The following RBFOX1 variants were observed in gnomAD, a reference collection of about 807,000 sequenced individuals.
RBFOX1 encodes RNA binding fox-1 homolog 1, also known as RNA binding protein fox-1 homolog 1.
A neutral mutation model predicts 57.7 loss-of-function variants in RBFOX1; 8 were observed. The observed-to-expected ratio is 0.14, with a 90% confidence interval of 0.08 to 0.25. The LOEUF (loss-of-function observed/expected upper bound fraction) is 0.25, where lower values mean the gene tolerates loss of function less well. RBFOX1 is among the 10% of genes least tolerant of loss of function. The pLI, the probability that RBFOX1 is intolerant of heterozygous loss-of-function variation, is 1.00. For synonymous variants in RBFOX1, 326 were observed against 222.4 expected (o/e 1.47, Z -4.15); for missense variants, 611 against 548.5 (o/e 1.11, Z -1.14).
Position 6,735,558 on chromosome 16 carries a change from C to A in RBFOX1, c.-16+80908C>A, listed in dbSNP as rs917524620. Among the ~76,000 whole-genome samples the A allele has an allele frequency of 3.3e-5, 5 of 152,228 alleles. No individual in the cohort carries two copies. In the South Asian group the frequency reaches 6.2e-4, roughly 19 times the overall value. ...TGTGTCTTTTAACTATTTCTCGTCC[C>A]CATGGATGTGACTTGTATTTGCTTA... On this transcript the variant is annotated intron_variant, in intron 3 of 15. Transcript: ENST00000550418.
intron 2 of RBFOX1, among the ~76,000 whole-genome samples, chr16:5,547,503 TAAA>T (rs2045260582): frequency 6.6e-6 from 1 of 152,150 alleles, no homozygotes; most frequent in Non-Finnish European, 1.5e-5. Flanking sequence ...AGATGCCAGA[TAAA>T]AAAGATTACA....
intron 2 of RBFOX1, among the ~76,000 whole-genome samples, chr16:6,360,536 C>G (rs1164321877): frequency 1.3e-5 from 2 of 152,152 alleles, no homozygotes; most frequent in East Asian, 3.8e-4. Context: ...AAAGTCTCTA[C>G]TCCTCTGTTT....
intron 2 of RBFOX1, among the ~76,000 whole-genome samples, chr16:6,560,231 GA>G (rs1567684281): frequency 6.6e-6 from 1 of 150,908 alleles, no homozygotes; most frequent in African/African-American, 2.4e-5. Context: ...TAGTTGGGGG[GA>G]AAAACAATGA....
At chr16:6,803,761 T>G (rs952904796) in intron 3 of RBFOX1, among the ~76,000 whole-genome samples, 2 of 152,178 alleles carry the variant, frequency 1.3e-5, no homozygotes, top group Non-Finnish European at 2.9e-5. Flanking sequence ...CTATTACTTG[T>G]GAGAGAATAA....
In RBFOX1 at chr16:5,386,334, C is replaced by G. The variant is rs1390856247; in HGVS notation, c.220-80882C>G. 2.6e-5 allele frequency among the ~76,000 whole-genome samples: 4 copies of G among 151,984 alleles called. No individual in the cohort carries two copies. In the East Asian group the frequency reaches 7.8e-4, roughly 29 times the overall value. ...GACCAGGTGTGGATGGAGAAGGGTCCTGAGAGCATTGCATCTCAAAGGCCC... is the reference window on the plus strand; with the variant it reads ...GACCAGGTGTGGATGGAGAAGGGTCGTGAGAGCATTGCATCTCAAAGGCCC... On this transcript the variant is annotated intron_variant, in intron 1 of 2. Transcript: ENST00000585867.
intron 4 of RBFOX1, among the ~76,000 whole-genome samples, chr16:7,109,617 G>C (rs2064272930): frequency 6.6e-6 from 1 of 152,106 alleles, no homozygotes; most frequent in South Asian, 2.1e-4. Flanking sequence ...CCCAGTTTTA[G>C]GGGAAAGGGC....
intron 1 of RBFOX1, among the ~76,000 whole-genome samples, chr16:6,231,604 T>A (rs11647425): frequency 0.64 from 97,748 of 152,068 alleles, 32,177 homozygotes; most frequent in East Asian, 0.77. Flanking sequence ...AGTGATTGCC[T>A]GTTCTGAATG....
At chr16:6,614,015 G>T (rs1474959476) in intron 2 of RBFOX1, among the ~76,000 whole-genome samples, 1 of 152,180 alleles carries the variant, frequency 6.6e-6, no homozygotes, top group East Asian at 1.9e-4. Flanking sequence ...TTACTAACCA[G>T]AGTTTTTCTT....
At chr16:7,445,886 T>G (rs929825835) in intron 4 of RBFOX1, among the ~76,000 whole-genome samples, 4 of 152,220 alleles carry the variant, frequency 2.6e-5, no homozygotes, top group Non-Finnish European at 5.9e-5. Flanking sequence ...TGCTCTCAAT[T>G]GGATGGTGAG....
At chr16:7,105,767 T>A (rs2063475704) in intron 4 of RBFOX1, among the ~76,000 whole-genome samples, 1 of 133,350 alleles carries the variant, frequency 7.5e-6, no homozygotes, top group East Asian at 2.2e-4. Context: ...TATATCTATA[T>A]ATCTATGTAG....
chr16:5,910,636 G>A (rs957560256), intron 4 of RBFOX1, among the ~76,000 whole-genome samples: 1 of 152,180 alleles, frequency 6.6e-6, no homozygotes, highest in African/African-American at 2.4e-5. Flanking sequence ...TGGCTTTTTG[G>A]TCCTAGGAGG....
chr16:6,840,769 C>G (rs911765309), intron 3 of RBFOX1, among the ~76,000 whole-genome samples: 2 of 151,952 alleles, frequency 1.3e-5, no homozygotes, highest in African/African-American at 2.4e-5. Flanking sequence ...CACCTGTAGT[C>G]CCAGCTACTC....
chr16:6,692,875 C>T (rs1057274908), intron 3 of RBFOX1, among the ~76,000 whole-genome samples: 4 of 151,978 alleles, frequency 2.6e-5, no homozygotes, highest in Non-Finnish European at 4.4e-5. Flanking sequence ...CCATCCTCAT[C>T]CATTACTATC....
intron 3 of RBFOX1, among the ~76,000 whole-genome samples, chr16:6,928,135 G>A (rs936316925): frequency 1.3e-5 from 2 of 152,120 alleles, no homozygotes; most frequent in African/African-American, 2.4e-5. Flanking sequence ...AATTCTTAGT[G>A]TGTGTGATTG....
At chr16:5,272,018 A>G (rs2063023360) in intron 1 of RBFOX1, among the ~76,000 whole-genome samples, 1 of 152,142 alleles carries the variant, frequency 6.6e-6, no homozygotes, top group Non-Finnish European at 1.5e-5. Context: ...ACTTAGGTTG[A>G]TTCTATATCT....
chr16:7,659,954 G>T (rs2067280611), intron 12 of RBFOX1, among the ~76,000 whole-genome samples: 1 of 152,006 alleles, frequency 6.6e-6, no homozygotes, highest in Admixed American at 6.6e-5. Context: ...CTATACACAT[G>T]CCAGCTAGTT....
At chr16:6,189,309 C>T (rs942479419) in intron 1 of RBFOX1, among the ~76,000 whole-genome samples, 1 of 152,224 alleles carries the variant, frequency 6.6e-6, no homozygotes, top group Admixed American at 6.5e-5. Flanking sequence ...GAGTCCGCAT[C>T]AGGACACTGA....
chr16:5,812,839 G>A (rs187455127), intron 3 of RBFOX1, among the ~76,000 whole-genome samples: 4 of 151,978 alleles, frequency 2.6e-5, no homozygotes, highest in East Asian at 1.9e-4. Context: ...CATTTTCCTC[G>A]TGACTAATGA....
intron 3 of RBFOX1, among the ~76,000 whole-genome samples, chr16:6,916,093 A>G (rs1411885268): frequency 1.3e-5 from 2 of 152,188 alleles, no homozygotes; most frequent in African/African-American, 2.4e-5. Context: ...ACCTTAGGGA[A>G]AGGGCATAAG....
Sources: gnomAD v4.1 joint callset for allele counts (sites outside exome capture counted in the v4.1 genomes callset) on GRCh38, gnomAD v4.1.1 for gene constraint, MANE v1.5 for transcripts, NCBI Gene and HGNC (gene_info 2026-07-23, HGNC 2026-07-21) for gene names.